Variants in TRPM6 observed in about 807,000 individuals in gnomAD.
TRPM6 encodes channel kinase 2.
Under a neutral mutation model 247.6 loss-of-function variants are expected in TRPM6, and 111 were observed. The observed-to-expected ratio is 0.45, with a 90% CI of 0.38 to 0.52. The LOEUF (loss-of-function observed/expected upper bound fraction) is 0.52, where lower values mean the gene tolerates loss of function less well. Among genes scored for constraint, TRPM6 ranks in the 20% least tolerant of loss-of-function variants. TRPM6 has a pLI of 0.00. For synonymous variants in TRPM6, 892 were observed against 853.8 expected, an observed-to-expected ratio of 1.04 and a Z score of -0.78; for missense variants, 2,126 against 2,421.5, an observed-to-expected ratio of 0.88 and a Z score of 2.56.
chr9:74,771,785 G>C lies in TRPM6; in HGVS notation c.3454C>G (p.Gln1152Glu), dbSNP rs2118883050. ...TCATGGAAGTATTTTTCCACGCACT[G>C]CTCCTCAAAATCATGAAGTTTTTTC... Reference protein sequence around the residue: ...DLKKLHDFEEQCVEKYFHEKM... With the variant: ...DLKKLHDFEEECVEKYFHEKM... The change falls in exon 25 of 39, where the codon CAG becomes GAG. Residue 1152 changes from glutamine (Q) to glutamate (E), a missense_variant. Physicochemically the swap from Gln to Glu is conservative, Grantham distance 29. This residue lies in a region of TRPM6 where 717 missense variants were observed against 715.9 expected (regional missense o/e 1.00). Coordinates refer to ENST00000360774, the MANE Select transcript of TRPM6 (RefSeq NM_017662.5). 1 of 1,613,394 alleles carries C rather than the reference G, an allele frequency of 6.2e-7. No homozygotes were observed. The highest frequency in any genetic ancestry group is 2.2e-5 in the East Asian group (1 of 44,854).
At chr9:74,827,118 C>A in intron 7 of TRPM6, 1 of 153,250 alleles carries the variant, frequency 6.5e-6, no homozygotes, top group South Asian at 2.0e-4. Flanking sequence ...CATGAAATGT[C>A]ATCTTCCCTG....
At chr9:74,836,610 G>A (rs982849309) in intron 5 of TRPM6, among the ~76,000 whole-genome samples, 33 of 152,156 alleles carry the variant, frequency 2.2e-4, no homozygotes, top group African/African-American at 7.7e-4. Flanking sequence ...CGTTGTTTGA[G>A]ACTCTCCGTA....
At chr9:74,730,783 G>A (rs1251937594) in intron 37 of TRPM6, among the ~76,000 whole-genome samples, 1 of 152,112 alleles carries the variant, frequency 6.6e-6, no homozygotes, top group Non-Finnish European at 1.5e-5. Flanking sequence ...CTAATCAGAC[G>A]TAATTCCCCA....
chr9:74,726,847 C>T (rs1825346218), intron 38 of TRPM6, among the ~76,000 whole-genome samples: 1 of 152,208 alleles, frequency 6.6e-6, no homozygotes, highest in East Asian at 1.9e-4. Context: ...TGATGACTCA[C>T]AGTCCAGTCC....
intron 3 of TRPM6, among the ~76,000 whole-genome samples, chr9:74,847,644 C>CAGTCATATATAT (rs60485591): frequency 6.6e-6 from 1 of 150,804 alleles, no homozygotes; most frequent in South Asian, 2.1e-4. Flanking sequence ...TAGTCATATA[C>CAGTCATATATAT]AGTCATATAT....
At chr9:74,865,294 C>T (rs1830812705) in intron 1 of TRPM6, among the ~76,000 whole-genome samples, 1 of 152,160 alleles carries the variant, frequency 6.6e-6, no homozygotes, top group South Asian at 2.1e-4. Flanking sequence ...ATTATTTCAG[C>T]CCCAAAACCC....
At chr9:74,742,690 C>A (rs771074766) in intron 32 of TRPM6, 64 bp from the exon 33 acceptor site, 15 of 1,366,088 alleles carry the variant, frequency 1.1e-5, no homozygotes, top group Non-Finnish European at 1.5e-5. Context: ...CAGAAAGCCT[C>A]TCCACATCAA....
Position 74,802,531 on chromosome 9 carries a change from A to C in TRPM6, c.1732-356T>G, listed in dbSNP as rs1828381773. Among the ~76,000 whole-genome samples the C allele has an allele frequency of 3.3e-5, 5 of 152,216 alleles. No homozygotes were observed. In the South Asian group the frequency reaches 1.0e-3, roughly 31 times the overall value. On this transcript the variant is annotated intron_variant, in intron 15 of 38. Coordinates refer to ENST00000360774, the MANE Select transcript of TRPM6 (RefSeq NM_017662.5). ...AAATGGTTCCATCTTCCTCAAAGTAATAACCACAGAGCAGTACGATGAGTG... is the reference window on the plus strand; with the variant it reads ...AAATGGTTCCATCTTCCTCAAAGTACTAACCACAGAGCAGTACGATGAGTG...
intron 8 of TRPM6, 31 bp downstream of exon 8, chr9:74,821,638 T>C (rs1248265278): frequency 1.9e-6 from 3 of 1,613,580 alleles, no homozygotes; most frequent in Non-Finnish European, 2.5e-6. Flanking sequence ...ACAGCCCCTA[T>C]AGTTTCAAAA....
chr9:74,861,891 C>A (rs1053645458), intron 1 of TRPM6, among the ~76,000 whole-genome samples: 6 of 152,008 alleles, frequency 3.9e-5, no homozygotes, highest in African/African-American at 1.2e-4. Context: ...GACTCCAACT[C>A]CTATAGGCCC....
Position 74,792,774 on chromosome 9 carries a change from T to C in TRPM6, c.2392-4A>G. The C allele has an allele frequency of 2.5e-6, 4 of 1,612,642 alleles. 1 individual carries two copies. Among genetic ancestry groups the C allele is most frequent in the Non-Finnish European group, 3.4e-6 (4 of 1,178,698 alleles). Reference sequence around the variant, plus strand: ...CCCTTTCCAAATCATACTCTTTCTATAAAATAAACAAATAATCATTTTCTT... The same window carrying C: ...CCCTTTCCAAATCATACTCTTTCTACAAAATAAACAAATAATCATTTTCTT... On this transcript the variant is annotated splice_polypyrimidine_tract_variant and splice_region_variant and intron_variant, in intron 18 of 38. Coordinates refer to ENST00000360774, the MANE Select transcript of TRPM6 (RefSeq NM_017662.5).
At chr9:74,848,007 G>A (rs933340403) in intron 3 of TRPM6, among the ~76,000 whole-genome samples, 15 of 152,106 alleles carry the variant, frequency 9.9e-5, no homozygotes, top group African/African-American at 3.1e-4. Flanking sequence ...CAAATGCAAC[G>A]ACTGTTTCAT....
chr9:74,827,956 G>C lies in TRPM6; in HGVS notation c.670-7C>G. 6.2e-7 allele frequency: 1 copy of C among 1,613,822 alleles called. No homozygotes were observed. The highest frequency in any genetic ancestry group is 8.5e-7 in the Non-Finnish European group (1 of 1,179,766). On this transcript the variant is annotated splice_polypyrimidine_tract_variant and splice_region_variant and intron_variant, in intron 6 of 38. Transcript: ENST00000360774. ...TCTGGTACAGGCACACCACCTGAGA[G>C]ACAGCAAGGACAAGGGAGGGTCAGA...
intron 20 of TRPM6, among the ~76,000 whole-genome samples, chr9:74,786,996 C>G (rs192467728): frequency 6.6e-6 from 1 of 152,054 alleles, no homozygotes; most frequent in Non-Finnish European, 1.5e-5. Context: ...GTCAGGAGTT[C>G]GAGACCAGCC....
At chr9:74,801,371 A>G (rs1828332129) in intron 16 of TRPM6, among the ~76,000 whole-genome samples, 1 of 150,478 alleles carries the variant, frequency 6.6e-6, no homozygotes, top group Admixed American at 6.6e-5. Flanking sequence ...TTTTACATCA[A>G]AATTATAAAT....
At chr9:74,825,497 A>G (rs1829302793) in intron 7 of TRPM6, among the ~76,000 whole-genome samples, 1 of 151,444 alleles carries the variant, frequency 6.6e-6, no homozygotes, top group East Asian at 2.0e-4. Context: ...GTGTGTGTGT[A>G]TAGGTGGCTT....
At chr9:74,756,459 C>T (rs2061184019) in intron 27 of TRPM6, among the ~76,000 whole-genome samples, 1 of 151,916 alleles carries the variant, frequency 6.6e-6, no homozygotes, top group Non-Finnish European at 1.5e-5. Flanking sequence ...TAAAAAGACT[C>T]ACTGAATGAA....
intron 23 of TRPM6, among the ~76,000 whole-genome samples, chr9:74,780,252 T>C (rs1454971908): frequency 6.6e-6 from 1 of 150,782 alleles, no homozygotes; most frequent in African/African-American, 2.4e-5. Context: ...TGCAGGAATT[T>C]GAGACCAGCC....
intron 27 of TRPM6, among the ~76,000 whole-genome samples, chr9:74,756,923 C>A (rs1477800460): frequency 2.6e-5 from 4 of 151,836 alleles, no homozygotes; most frequent in Non-Finnish European, 5.9e-5. Flanking sequence ...AGAGGCTGGG[C>A]GTGGTGGTTC....
Sources: gnomAD v4.1 joint callset for allele counts (sites outside exome capture counted in the v4.1 genomes callset) on GRCh38, gnomAD v4.1.1 for gene constraint, gnomAD v4.1.1 regional missense constraint, MANE v1.5 for transcripts, NCBI Gene and HGNC (gene_info 2026-07-23, HGNC 2026-07-21) for gene names.